The following ARAP2 variants were observed in gnomAD, a reference collection of about 807,000 sequenced individuals.
The protein encoded by ARAP2 is arf-GAP with Rho-GAP domain, ANK repeat and PH domain-containing protein 2.
In ARAP2, 148 loss-of-function variants were observed where a neutral mutation model predicts 194.5. That is an observed-to-expected ratio of 0.76 (90% confidence interval 0.67 to 0.87). The LOEUF (loss-of-function observed/expected upper bound fraction) is 0.87, where lower values mean the gene tolerates loss of function less well. Among genes scored for constraint, ARAP2 ranks in the 40% least tolerant of loss-of-function variants. The pLI is 0.00. For missense variants in ARAP2, 2,128 were observed against 1,989.7 expected, an observed-to-expected ratio of 1.07 and a Z score of -1.32; for synonymous variants, 695 against 683.5, an observed-to-expected ratio of 1.02 and a Z score of -0.26.
chr4:36,008,865 C>G lies in ARAP2; in HGVS notation n.1326-1819G>C, dbSNP rs1014890298. Among the ~76,000 whole-genome samples the G allele has an allele frequency of 2.0e-5, 3 of 152,120 alleles. No individual in the cohort carries two copies. The South Asian group carries it at 6.2e-4, about 32-fold the overall frequency. ...AAATCAACAAGTAAAATACAAATAACCTTATTCAAAATTGGGCAAAGGACA... is the reference window on the plus strand; with the variant it reads ...AAATCAACAAGTAAAATACAAATAAGCTTATTCAAAATTGGGCAAAGGACA... On this transcript the variant is annotated intron_variant and non_coding_transcript_variant, in intron 9 of 12. Coordinates refer to the ARAP2 transcript ENST00000503225.
At chr4:36,231,973 T>C (rs549263067) in intron 1 of ARAP2, among the ~76,000 whole-genome samples, 10 of 152,276 alleles carry the variant, frequency 6.6e-5, no homozygotes, top group African/African-American at 2.4e-4. Flanking sequence ...ATAGGATTAG[T>C]TTCTTGCAAG....
intron 2 of ARAP2, among the ~76,000 whole-genome samples, chr4:36,226,509 G>GC (rs201658279): frequency 0.038 from 5,717 of 150,490 alleles, 112 homozygotes; most frequent in African/African-American, 0.059. Flanking sequence ...TATCTTTTAA[G>GC]CCCCCCCCCA....
At position 36,092,032 on chromosome 4, in the gene ARAP2, A is replaced by G. The variant is rs1447713521; in HGVS notation, c.4286-12T>C. On this transcript the variant is annotated splice_polypyrimidine_tract_variant and intron_variant, in intron 27 of 32. Transcript: ENST00000303965. ...CAGTGTACTCCGGTCTGTAAAGTACAGCATTACTTTTGTGAGTTGGGTACG... is the reference window on the plus strand; with the variant it reads ...CAGTGTACTCCGGTCTGTAAAGTACGGCATTACTTTTGTGAGTTGGGTACG... The G allele has an allele frequency of 1.3e-6, 2 of 1,495,246 alleles. No homozygotes were observed. Among genetic ancestry groups the G allele is most frequent in the Non-Finnish European group, 1.8e-6 (2 of 1,107,256 alleles). The allele number at this position is 1,495,246 out of a possible 1,614,324, so 92.6% of individuals were successfully genotyped here. A position where few individuals can be genotyped will look rare whatever the true frequency, so the allele number is the denominator to read the frequency against.
At chr4:36,207,543 T>C (rs1432343558) in intron 6 of ARAP2, among the ~76,000 whole-genome samples, 1 of 152,232 alleles carries the variant, frequency 6.6e-6, no homozygotes, top group Non-Finnish European at 1.5e-5. Context: ...AATGCTCACA[T>C]ATTAGGCATT....
chr4:36,154,096 G>GT (rs1209823092), intron 15 of ARAP2, among the ~76,000 whole-genome samples: 1 of 152,072 alleles, frequency 6.6e-6, no homozygotes, highest in Non-Finnish European at 1.5e-5. Flanking sequence ...GTTACTCACT[G>GT]TATCTGTTAT....
intron 5 of ARAP2, among the ~76,000 whole-genome samples, chr4:36,045,355 A>G (rs556983287): frequency 1.7e-4 from 26 of 152,312 alleles, no homozygotes; most frequent in African/African-American, 5.5e-4. Flanking sequence ...AATACCATTC[A>G]GCCTTTAAAA....
intron 1 of ARAP2, among the ~76,000 whole-genome samples, chr4:36,231,521 T>C (rs187792069): frequency 4.5e-4 from 69 of 152,236 alleles, no homozygotes; most frequent in African/African-American, 1.5e-3. Context: ...GAACAATAAG[T>C]GGACATAATG....
intron 6 of ARAP2, among the ~76,000 whole-genome samples, chr4:36,197,970 A>G (rs1743501215): frequency 6.6e-6 from 1 of 152,078 alleles, no homozygotes; most frequent in Non-Finnish European, 1.5e-5. Context: ...GTTTTCACCC[A>G]TAACATGATG....
At chr4:36,203,124 A>G (rs1385491721) in intron 6 of ARAP2, among the ~76,000 whole-genome samples, 1 of 152,166 alleles carries the variant, frequency 6.6e-6, no homozygotes, top group East Asian at 1.9e-4. Flanking sequence ...CTGTCTCTCC[A>G]CCTTCACTCA....
rs1725458436 is a variant in ARAP2 at position 36,066,374 on chromosome 4, A to G, written c.*1533T>C. On this transcript the variant is annotated 3_prime_UTR_variant, in exon 33 of 33. Coordinates refer to ENST00000303965, the MANE Select transcript of ARAP2 (RefSeq NM_015230.4). ...ACTGTCCTGCAGTTTTGTGCTTTTT[A>G]AAAATTCTAATTTACTTTGATTTAA... 3 of 152,240 alleles carry G rather than the reference A, an allele frequency of 2.0e-5. No homozygotes were observed. The Middle Eastern group carries it at 0.01, about 518-fold the overall frequency. The allele number at this position is 152,240 out of a possible 1,614,324, so 9.4% of individuals were successfully genotyped here.
chr4:36,218,538 T>A (rs144390242), intron 2 of ARAP2, among the ~76,000 whole-genome samples: 2 of 151,924 alleles, frequency 1.3e-5, no homozygotes, highest in Admixed American at 1.3e-4. Context: ...CACCTGCACA[T>A]CTATATGGAA....
intron 21 of ARAP2, among the ~76,000 whole-genome samples, chr4:36,126,736 C>T (rs1245366579): frequency 6.6e-6 from 1 of 152,074 alleles, no homozygotes; most frequent in East Asian, 1.9e-4. Flanking sequence ...GAAAGGTGAA[C>T]ACTCCTACCC....
At chr4:36,165,351 A>AT (rs1269424733) in intron 10 of ARAP2, among the ~76,000 whole-genome samples, 3 of 152,158 alleles carry the variant, frequency 2.0e-5, no homozygotes, top group Non-Finnish European at 2.9e-5. Flanking sequence ...TAACATACAC[A>AT]TTTTCTAAAC....
chr4:36,088,655 G>T (rs952079932), intron 28 of ARAP2, among the ~76,000 whole-genome samples: 1 of 152,030 alleles, frequency 6.6e-6, no homozygotes, highest in Non-Finnish European at 1.5e-5. Context: ...GCAAACATTG[G>T]AATGTATACA....
intron 1 of ARAP2, among the ~76,000 whole-genome samples, chr4:36,232,493 C>G (rs549275260): frequency 5.3e-5 from 8 of 152,332 alleles, no homozygotes; most frequent in African/African-American, 1.7e-4. Flanking sequence ...CTCATATTTC[C>G]TATGAGACAG....
chr4:36,138,935 T>C (rs1301317673), intron 19 of ARAP2, among the ~76,000 whole-genome samples: 4 of 151,728 alleles, frequency 2.6e-5, no homozygotes, highest in African/African-American at 4.8e-5. Context: ...GGTACTTAAC[T>C]TTACATGTGC....
intron 8 of ARAP2, among the ~76,000 whole-genome samples, chr4:36,185,978 C>CAAAAAAAAAA (rs1054588041): frequency 8.9e-5 from 12 of 135,192 alleles, no homozygotes; most frequent in African/African-American, 3.3e-4. Context: ...AACTCTGTCT[C>CAAAAAAAAAA]AAAAAAAAAA....
chr4:36,169,076 G>GA (rs34608878), intron 9 of ARAP2, among the ~76,000 whole-genome samples: 15,440 of 152,110 alleles, frequency 0.1, 909 homozygotes, highest in African/African-American at 0.15. Flanking sequence ...CACAAGTGAG[G>GA]AAATTAAGTA....
chr4:36,112,051 C>T (rs1002065515), intron 26 of ARAP2, among the ~76,000 whole-genome samples: 1 of 151,966 alleles, frequency 6.6e-6, no homozygotes, highest in African/African-American at 2.4e-5. Context: ...CTTCATGGTT[C>T]CTAATCTACA....
Sources: gnomAD v4.1 joint callset for allele counts (sites outside exome capture counted in the v4.1 genomes callset) on GRCh38, gnomAD v4.1.1 for gene constraint, MANE v1.5 for transcripts, NCBI Gene and HGNC (gene_info 2026-07-23, HGNC 2026-07-21) for gene names.